KIF26B: variants seen among roughly 807,000 people sequenced by gnomAD.
KIF26B encodes kinesin-like protein KIF26B.
Under a neutral mutation model 151.2 loss-of-function variants are expected in KIF26B, and 63 were observed. That is an observed-to-expected ratio of 0.42 (90% CI 0.34 to 0.51). The LOEUF is 0.51. Ranked by LOEUF, KIF26B falls within the 20% of genes least tolerant of loss-of-function variation. The pLI is 0.07. For missense variants in KIF26B, 2,813 were observed against 2,913.6 expected (o/e 0.97, Z 0.79); for synonymous variants, 1,357 against 1,262.1 (o/e 1.08, Z -1.59).
At chr1:245,234,923 G>A (rs966218955) in intron 2 of KIF26B, among the ~76,000 whole-genome samples, 1 of 152,188 alleles carries the variant, frequency 6.6e-6, no homozygotes, top group Admixed American at 6.5e-5. Flanking sequence ...GTGGCACACA[G>A]GCTGGCTCTG....
chr1:245,418,846 T>A (rs904548558), intron 3 of KIF26B, among the ~76,000 whole-genome samples: 1 of 152,216 alleles, frequency 6.6e-6, no homozygotes, highest in African/African-American at 2.4e-5. Flanking sequence ...CCCCAAAGTT[T>A]GATTCTTCAC....
intron 2 of KIF26B, 23 bp downstream of exon 2, chr1:245,156,706 T>TG (rs1668443042): frequency 7.1e-7 from 1 of 1,405,334 alleles, no homozygotes; most frequent in South Asian, 1.5e-5. Context: ...CGGGGCTGGC[T>TG]GGGGAGGCGC....
intron 11 of KIF26B, 31 bp downstream of exon 11, chr1:245,684,426 G>T: frequency 6.5e-7 from 1 of 1,550,266 alleles, no homozygotes; most frequent in South Asian, 1.2e-5. Context: ...GGGGGTGGTG[G>T]ATGAGGGAGC....
At position 245,699,954 on chromosome 1, in the gene KIF26B, G is replaced by A. The variant is rs868048579; in HGVS notation, c.6178+917G>A. Among the ~76,000 whole-genome samples, 8 of 152,178 alleles carry A rather than the reference G, an allele frequency of 5.3e-5. No individual in the cohort carries two copies. In the East Asian group the frequency reaches 5.9e-4, roughly 11 times the overall value. ...GTGAAATGGTCCTGGGTGAAGGTGCGGAAGAAAGTGGCAGGACTTGTCAGC... is the reference window on the plus strand; with the variant it reads ...GTGAAATGGTCCTGGGTGAAGGTGCAGAAGAAAGTGGCAGGACTTGTCAGC... On this transcript the variant is annotated intron_variant, in intron 14 of 14. Coordinates refer to ENST00000407071, the MANE Select transcript of KIF26B (RefSeq NM_018012.4).
At position 245,374,279 on chromosome 1, in the gene KIF26B, G is replaced by A. The variant is rs2795077; in HGVS notation, c.999+6912G>A. Among the ~76,000 whole-genome samples, 45 of 149,474 alleles carry A rather than the reference G, an allele frequency of 3.0e-4. No individual in the cohort carries two copies. In the South Asian group the frequency reaches 7.8e-3, roughly 26 times the overall value. On this transcript the variant is annotated intron_variant, in intron 3 of 14. Coordinates refer to ENST00000407071, the MANE Select transcript of KIF26B (RefSeq NM_018012.4). ...TCTTGGTGCTAGAGGACTTCCAAGCGCCCCTGCAGGAGGAAGGTGAGGCTC... is the reference window on the plus strand; with the variant it reads ...TCTTGGTGCTAGAGGACTTCCAAGCACCCCTGCAGGAGGAAGGTGAGGCTC...
At chr1:245,660,986 T>G (rs1172428142) in intron 10 of KIF26B, among the ~76,000 whole-genome samples, 2 of 115,222 alleles carry the variant, frequency 1.7e-5, no homozygotes, top group East Asian at 4.0e-4. Context: ...GCTTTTCTTT[T>G]TTCTTTTTTT....
chr1:245,341,119 C>T (rs1672324343), intron 2 of KIF26B, among the ~76,000 whole-genome samples: 1 of 152,108 alleles, frequency 6.6e-6, no homozygotes, highest in Non-Finnish European at 1.5e-5. Context: ...TATACTGAAG[C>T]CAGATGGTTT....
chr1:245,335,833 G>A (rs1226087314), intron 2 of KIF26B, among the ~76,000 whole-genome samples: 1 of 146,354 alleles, frequency 6.8e-6, no homozygotes, highest in Non-Finnish European at 1.5e-5. Context: ...GCCCCACGCG[G>A]AGAAGGAGGA....
At position 245,560,004 on chromosome 1, in the gene KIF26B, A is replaced by G. The variant is rs570662601; in HGVS notation, c.1350+19054A>G. 1.3e-5 allele frequency among the ~76,000 whole-genome samples: 2 copies of G among 152,000 alleles called. No homozygotes were observed. The highest frequency in any genetic ancestry group is 4.2e-4 in the South Asian group (2 of 4,808). ...CTGTTCATCTGCTGTCGTCTCTGCC[A>G]GGGATGCTCGTCTCTCATTCGTTTT... On this transcript the variant is annotated intron_variant, in intron 5 of 14. Transcript: ENST00000407071. This position sits in a 1 kb window ranked among gnomAD's most constrained non-coding sequence, Gnocchi z 4.3.
In KIF26B at chr1:245,188,006, G is replaced by A. The variant is rs181396862; in HGVS notation, c.465+31323G>A. 7.9e-5 allele frequency among the ~76,000 whole-genome samples: 12 copies of A among 152,204 alleles called. No homozygotes were observed. The East Asian group carries it at 1.2e-3, about 15-fold the overall frequency. ...ATCAGAGGCAAATTCAAGGCCGGGCGCGGTGGCTCATGCCTGTAATCCCAG... is the reference window on the plus strand; with the variant it reads ...ATCAGAGGCAAATTCAAGGCCGGGCACGGTGGCTCATGCCTGTAATCCCAG... On this transcript the variant is annotated intron_variant, in intron 2 of 14. Coordinates refer to ENST00000407071, the MANE Select transcript of KIF26B (RefSeq NM_018012.4).
chr1:245,192,247 G>T (rs997800450), intron 2 of KIF26B, among the ~76,000 whole-genome samples: 2 of 126,168 alleles, frequency 1.6e-5, no homozygotes, highest in Non-Finnish European at 3.8e-5. Context: ...CCATGTTTCA[G>T]GGGACGTGCT....
intron 2 of KIF26B, among the ~76,000 whole-genome samples, chr1:245,324,046 G>A (rs113284993): frequency 0.01 from 1,325 of 130,332 alleles, 53 homozygotes; most frequent in African/African-American, 0.042. Context: ...AGGTGGGGTG[G>A]ACCCTGATGT....
chr1:245,610,623 A>G (rs919610865), intron 8 of KIF26B, among the ~76,000 whole-genome samples: 4 of 152,246 alleles, frequency 2.6e-5, no homozygotes, highest in South Asian at 2.1e-4. Flanking sequence ...TTTTCTAGAC[A>G]TTCAAATATG....
In KIF26B at chr1:245,192,750, ACTT is replaced by A. The variant is rs1389157090; in HGVS notation, c.465+36073_465+36075del. Among the ~76,000 whole-genome samples, 6 of 152,240 alleles carry A rather than the reference ACTT, an allele frequency of 3.9e-5. No individual in the cohort carries two copies. The East Asian group carries it at 7.7e-4, about 20-fold the overall frequency. ...TGAACTCTCATCTCTAGTATACTTGACTTCTTCTATGTATTTATTGATTGTGTG... is the reference window on the plus strand; with the variant it reads ...TGAACTCTCATCTCTAGTATACTTGACTTCTATGTATTTATTGATTGTGTG... On this transcript the variant is annotated intron_variant, in intron 2 of 14. Transcript: ENST00000407071.
At chr1:245,289,154 A>C (rs568548448) in intron 2 of KIF26B, among the ~76,000 whole-genome samples, 28 of 152,302 alleles carry the variant, frequency 1.8e-4, no homozygotes, top group Admixed American at 1.3e-3. Context: ...TTAATTTTGG[A>C]ATCTTCACCA....
At chr1:245,337,474 GC>G (rs1672257224) in intron 2 of KIF26B, among the ~76,000 whole-genome samples, 1 of 151,818 alleles carries the variant, frequency 6.6e-6, no homozygotes, top group Non-Finnish European at 1.5e-5. Context: ...GAGCCACCAC[GC>G]CTGGCCATTC....
chr1:245,439,603 C>A (rs1333720181), intron 4 of KIF26B, among the ~76,000 whole-genome samples: 1 of 152,068 alleles, frequency 6.6e-6, no homozygotes, highest in Non-Finnish European at 1.5e-5. Context: ...GTACACAAAT[C>A]TAAATTATTT....
chr1:245,220,452 G>A (rs1669743802), intron 2 of KIF26B, among the ~76,000 whole-genome samples: 1 of 151,520 alleles, frequency 6.6e-6, no homozygotes, highest in Non-Finnish European at 1.5e-5. Context: ...CGGGGTCCAG[G>A]GTCTTCACAG....
chr1:245,532,366 C>A (rs1661388721), intron 4 of KIF26B, among the ~76,000 whole-genome samples: 1 of 151,562 alleles, frequency 6.6e-6, no homozygotes, highest in African/African-American at 2.4e-5. Flanking sequence ...CTGCCTCAGC[C>A]TCCCGAGTAG....
Sources: allele counts gnomAD v4.1 joint callset (sites outside exome capture counted in the v4.1 genomes callset), GRCh38; gene constraint gnomAD v4.1.1; non-coding constraint Gnocchi (gnomAD v3.1); transcripts MANE v1.5; gene names NCBI Gene and HGNC (gene_info 2026-07-23, HGNC 2026-07-21).